Variants in NCALD observed in about 807,000 individuals in gnomAD.
NCALD encodes neurocalcin-delta.
NCALD carries 10 observed loss-of-function variants against 18.6 expected under a neutral mutation model. The ratio of observed to expected loss-of-function variants is 0.54; its 90% CI spans 0.33 to 0.91. NCALD has a LOEUF of 0.91. Among genes scored for constraint, NCALD ranks in the 40% least tolerant of loss-of-function variants. The pLI is 0.03. For synonymous variants in NCALD, 88 were observed against 87.4 expected, an observed-to-expected ratio of 1.01 and a Z score of -0.04; for missense variants, 184 against 247.6, an observed-to-expected ratio of 0.74 and a Z score of 1.72.
chr8:102,090,897 A>G (rs1170332169), intron 1 of NCALD, among the ~76,000 whole-genome samples: 1 of 152,222 alleles, frequency 6.6e-6, no homozygotes, highest in Non-Finnish European at 1.5e-5. Flanking sequence ...CTTTCCTTTA[A>G]GGAATCAAAC....
chr8:101,957,370 C>T (rs75943184), intron 2 of NCALD, among the ~76,000 whole-genome samples: 3,596 of 146,746 alleles, frequency 0.025, 158 homozygotes, highest in African/African-American at 0.08. Flanking sequence ...AGAAGTTGCC[C>T]TCCGCAGCCA....
At chr8:102,085,874 C>T (rs1000289682) in intron 1 of NCALD, among the ~76,000 whole-genome samples, 1 of 152,054 alleles carries the variant, frequency 6.6e-6, no homozygotes, top group Non-Finnish European at 1.5e-5. Context: ...AGCTAAAACT[C>T]AAGTCAATTA....
At chr8:102,089,789 G>T (rs2132368252) in intron 1 of NCALD, among the ~76,000 whole-genome samples, 1 of 152,312 alleles carries the variant, frequency 6.6e-6, no homozygotes, top group African/African-American at 2.4e-5. Context: ...TAGAAGGTTT[G>T]TGAAAAATTT....
chr8:101,829,279 C>A (rs562403532), intron 4 of NCALD, among the ~76,000 whole-genome samples: 16 of 152,130 alleles, frequency 1.1e-4, no homozygotes, highest in Non-Finnish European at 2.2e-4. Context: ...ATCTTAAATT[C>A]AACAATCCCT....
intron 4 of NCALD, among the ~76,000 whole-genome samples, chr8:101,864,906 A>G (rs770264118): frequency 6.6e-6 from 1 of 152,160 alleles, no homozygotes; most frequent in South Asian, 2.1e-4. Context: ...GGATTGTTCC[A>G]ATTTTCTAGA....
intron 1 of NCALD, among the ~76,000 whole-genome samples, chr8:102,115,993 GTGTT>G (rs773160412): frequency 2.6e-5 from 4 of 152,120 alleles, no homozygotes; most frequent in Admixed American, 6.6e-5. Context: ...TAGATTTTAA[GTGTT>G]TGTTTATTTT....
intron 1 of NCALD, among the ~76,000 whole-genome samples, chr8:101,760,678 G>GTT (rs1339812662): frequency 3.3e-5 from 5 of 152,306 alleles, no homozygotes; most frequent in African/African-American, 7.2e-5. Flanking sequence ...AAGTTTTCAA[G>GTT]TTGAGGTGTG....
chr8:101,968,623 T>G (rs1026026716), intron 2 of NCALD, among the ~76,000 whole-genome samples: 2 of 152,136 alleles, frequency 1.3e-5, no homozygotes, highest in Non-Finnish European at 2.9e-5. Context: ...ATGCCTGCAC[T>G]GTTATGGCCC....
chr8:101,893,210 A>C (rs1371911292), intron 3 of NCALD, among the ~76,000 whole-genome samples: 7 of 151,972 alleles, frequency 4.6e-5, no homozygotes, highest in Non-Finnish European at 5.9e-5. Context: ...GCCAATATTC[A>C]ACATTCTTAA....
At chr8:101,772,109 G>C (rs967145238) in intron 1 of NCALD, among the ~76,000 whole-genome samples, 3 of 152,188 alleles carry the variant, frequency 2.0e-5, no homozygotes, top group African/African-American at 7.2e-5. Context: ...CAGAAGCTTT[G>C]AGTTGAAATG....
intron 1 of NCALD, among the ~76,000 whole-genome samples, chr8:101,734,236 A>G (rs1481388303): frequency 6.6e-6 from 1 of 151,842 alleles, no homozygotes; most frequent in African/African-American, 2.4e-5. Flanking sequence ...AACCTCTCCC[A>G]TTTTCTAAAC....
At chr8:102,115,724 G>C (rs1825762232) in intron 1 of NCALD, among the ~76,000 whole-genome samples, 1 of 152,186 alleles carries the variant, frequency 6.6e-6, no homozygotes, top group South Asian at 2.1e-4. Context: ...TTAGAAACTT[G>C]AGTCTCTGCT....
At chr8:101,832,254 CTCTG>C (rs1814220721) in intron 4 of NCALD, among the ~76,000 whole-genome samples, 1 of 152,066 alleles carries the variant, frequency 6.6e-6, no homozygotes, top group African/African-American at 2.4e-5. Flanking sequence ...CTCTCCCACT[CTCTG>C]TCTCTCTCTC....
chr8:101,874,250 T>A (rs1024651022), intron 4 of NCALD, among the ~76,000 whole-genome samples: 1 of 152,232 alleles, frequency 6.6e-6, no homozygotes, highest in Non-Finnish European at 1.5e-5. Context: ...CTGATAGCTG[T>A]ATCTAGACAC....
At chr8:101,716,022 T>G (rs567927456) in intron 2 of NCALD, among the ~76,000 whole-genome samples, 11 of 152,340 alleles carry the variant, frequency 7.2e-5, no homozygotes, top group Non-Finnish European at 1.6e-4. Flanking sequence ...TGCACATATA[T>G]GTTTATTGCA....
intron 4 of NCALD, among the ~76,000 whole-genome samples, chr8:101,799,823 C>G (rs1812775203): frequency 6.6e-6 from 1 of 152,134 alleles, no homozygotes; most frequent in Non-Finnish European, 1.5e-5. Flanking sequence ...AAGTAGGACC[C>G]TTGTGCACTG....
intron 2 of NCALD, 96 bp downstream of exon 2, chr8:101,719,156 C>G (rs1425689377): frequency 6.9e-7 from 1 of 1,449,464 alleles, no homozygotes; most frequent in East Asian, 2.3e-5. Context: ...TGGTGACTCA[C>G]CAGTTTGCAA....
chr8:102,003,464 G>T (rs1821562086), intron 2 of NCALD, among the ~76,000 whole-genome samples: 1 of 152,162 alleles, frequency 6.6e-6, no homozygotes, highest in African/African-American at 2.4e-5. Flanking sequence ...AGGAGGAGCA[G>T]GTACCATTCC....
rs548716899 is a variant in NCALD, at chr8:101,705,224, AAAAT to A, written c.379-12332_379-12329del. Among the ~76,000 whole-genome samples, 108 of 151,544 alleles carry A rather than the reference AAAAT, an allele frequency of 7.1e-4. 1 individual carries two copies. The highest frequency in any genetic ancestry group is 1.4e-3 in the Non-Finnish European group (93 of 67,968). On this transcript the variant is annotated intron_variant, in intron 2 of 3. Transcript: ENST00000220931. Reference sequence around the variant, plus strand: ...GGGCAGCAGAGCAAGACTTCATCTCAAAATAAATAAATAAATAAATAAAATTAAA... The same window carrying A: ...GGGCAGCAGAGCAAGACTTCATCTCAAAATAAATAAATAAATAAAATTAAA...
Sources: gnomAD v4.1 joint callset for allele counts (sites outside exome capture counted in the v4.1 genomes callset) on GRCh38, gnomAD v4.1.1 for gene constraint, MANE v1.5 for transcripts, NCBI Gene and HGNC (gene_info 2026-07-23, HGNC 2026-07-21) for gene names.